The following CREB1 variants were observed in gnomAD, a reference collection of about 807,000 sequenced individuals.
The protein encoded by CREB1 is cAMP responsive element binding protein 1.
In CREB1, 2 loss-of-function variants were observed where a neutral mutation model predicts 42.0. That is an observed-to-expected ratio of 0.05 (90% CI 0.02 to 0.15). The LOEUF (loss-of-function observed/expected upper bound fraction) is 0.15. CREB1 is among the 10% of genes least tolerant of loss of function. The pLI, the probability that CREB1 is intolerant of heterozygous loss-of-function variation, is 1.00. For missense variants in CREB1, 199 were observed against 388.9 expected (o/e 0.51, Z 4.11); for synonymous variants, 123 against 139.9 (o/e 0.88, Z 0.85).
intron 7 of CREB1, chr2:207,581,723 A>T: frequency 1.7e-6 from 1 of 604,696 alleles, no homozygotes; most frequent in East Asian, 2.8e-5. Flanking sequence ...ACATTTATCA[A>T]AAATAAAAGT....
intron 6 of CREB1, chr2:207,576,692 T>C: frequency 2.3e-6 from 3 of 1,280,536 alleles, no homozygotes; most frequent in African/African-American, 1.5e-5. Context: ...AGTTTGAAGA[T>C]GGTAACATGT....
chr2:207,578,758 A>G (rs545157709), intron 7 of CREB1, among the ~76,000 whole-genome samples: 11 of 152,010 alleles, frequency 7.2e-5, no homozygotes, highest in Admixed American at 3.9e-4. Flanking sequence ...TTTTTCTGGG[A>G]TATTAGAAAA....
chr2:207,586,344 T>A (rs1361034853), intron 7 of CREB1, among the ~76,000 whole-genome samples: 1 of 152,156 alleles, frequency 6.6e-6, no homozygotes, highest in Non-Finnish European at 1.5e-5. Flanking sequence ...CAATCAATGG[T>A]ATTGGGAAAC....
rs2087609326 is a variant in CREB1 at position 207,604,038 on chromosome 2, T to C, written c.*6980T>C. ...TTTCTGCAACAACGATTACAGAATT[T>C]ATTGCACAAAATGAGACATTTTGAG... On this transcript the variant is annotated 3_prime_UTR_variant, in exon 8 of 8. Coordinates refer to ENST00000353267, the MANE Select transcript of CREB1 (RefSeq NM_004379.5). Among the ~76,000 whole-genome samples, 1 of 152,192 alleles carries C rather than the reference T, an allele frequency of 6.6e-6. No homozygotes were observed. Among genetic ancestry groups the C allele is most frequent in the Non-Finnish European group, 1.5e-5 (1 of 68,040 alleles).
chr2:207,573,164 A>T (rs1166966620), intron 5 of CREB1, among the ~76,000 whole-genome samples: 1 of 152,160 alleles, frequency 6.6e-6, no homozygotes, highest in East Asian at 1.9e-4. Context: ...TTCTTCTACA[A>T]TTGTTTTATA....
chr2:207,602,787 T>C lies in CREB1; in HGVS notation c.*5729T>C. On this transcript the variant is annotated 3_prime_UTR_variant, in exon 8 of 8. Transcript: ENST00000353267. ...TGGGAAATAATTGTCAACATTTTTT[T>C]TGAGTATAGATTTATTAGGGGTGGC... The C allele has an allele frequency of 4.6e-6, 1 of 215,976 alleles. No homozygotes were observed. The highest frequency in any genetic ancestry group is 6.9e-5 in the East Asian group (1 of 14,548). The allele number at this position is 215,976 out of a possible 1,614,324, so 13.4% of individuals were successfully genotyped here. A position where few individuals can be genotyped will look rare whatever the true frequency, so the allele number is the denominator to read the frequency against.
intron 6 of CREB1, among the ~76,000 whole-genome samples, chr2:207,576,241 C>CTTTTTTTTTTTTTTTTTTGG (rs35735523): frequency 5.9e-5 from 6 of 101,064 alleles, no homozygotes; most frequent in African/African-American, 1.1e-4. Flanking sequence ...CTTTTTTTGG[C>CTTTTTTTTTTTTTTTTTTGG]TTTTTTTTTT....
In CREB1 at chr2:207,533,781, A is replaced by T. The variant is rs575150152; in HGVS notation, c.-9+3647A>T. Among the ~76,000 whole-genome samples the T allele has an allele frequency of 2.2e-4, 33 of 152,288 alleles. 1 individual carries two copies. Among genetic ancestry groups the T allele is most frequent in the Non-Finnish European group, 4.0e-4 (27 of 68,030 alleles). On this transcript the variant is annotated intron_variant, in intron 1 of 7. Coordinates refer to ENST00000353267, the MANE Select transcript of CREB1 (RefSeq NM_004379.5). ...TGAGACAGCAGTTTATGGTAATTCAAATATTTATTTGGCACTCACTGTGAC... is the reference window on the plus strand; with the variant it reads ...TGAGACAGCAGTTTATGGTAATTCATATATTTATTTGGCACTCACTGTGAC...
intron 6 of CREB1, chr2:207,576,704 T>C (rs2082611915): frequency 2.4e-6 from 3 of 1,264,008 alleles, no homozygotes; most frequent in South Asian, 2.8e-5. Flanking sequence ...GTAACATGTT[T>C]AGTATATAAA....
chr2:207,532,969 G>T (rs189958408), intron 1 of CREB1, among the ~76,000 whole-genome samples: 58 of 151,990 alleles, frequency 3.8e-4, no homozygotes, highest in Non-Finnish European at 4.6e-4. Flanking sequence ...GCAATTCCAG[G>T]TGAAACTTCA....
In CREB1 at chr2:207,603,447, T is replaced by G. The variant is rs968293157; in HGVS notation, c.*6389T>G. ...TTAAAAACTCTGTAAGTCTCTTTTTTGGGGATGGGATCTCTATATTTTGTT... is the reference window on the plus strand; with the variant it reads ...TTAAAAACTCTGTAAGTCTCTTTTTGGGGGATGGGATCTCTATATTTTGTT... On this transcript the variant is annotated 3_prime_UTR_variant, in exon 8 of 8. Coordinates refer to ENST00000353267, the MANE Select transcript of CREB1 (RefSeq NM_004379.5). 8.9e-6 allele frequency: 2 copies of G among 225,194 alleles called. No individual in the cohort carries two copies. Among genetic ancestry groups the G allele is most frequent in the Non-Finnish European group, 1.8e-5 (2 of 113,150 alleles). 13.9% of individuals were successfully genotyped at this position (225,194 alleles called of 1,614,324 possible).
intron 5 of CREB1, chr2:207,571,846 AG>A (rs2082378700): frequency 7.1e-5 from 28 of 394,826 alleles, no homozygotes; most frequent in South Asian, 4.9e-4. Context: ...GAATCTAAAA[AG>A]GGGAAATGAA....
At chr2:207,577,315 C>A in intron 6 of CREB1, 190 bp from the exon 7 acceptor site, 1 of 1,002,182 alleles carries the variant, frequency 1.0e-6, no homozygotes, top group Non-Finnish European at 1.4e-6. Context: ...GTAATAAATA[C>A]ATTACATTGG....
intron 7 of CREB1, among the ~76,000 whole-genome samples, chr2:207,578,646 T>C (rs982309342): frequency 2.0e-5 from 3 of 152,212 alleles, no homozygotes; most frequent in African/African-American, 7.2e-5. Context: ...TTTGTGTGTG[T>C]GTGTGCAATT....
intron 3 of CREB1, among the ~76,000 whole-genome samples, chr2:207,566,936 T>C (rs991655733): frequency 6.6e-6 from 1 of 152,146 alleles, no homozygotes; most frequent in African/African-American, 2.4e-5. Flanking sequence ...TTAAAAGTGA[T>C]TATAGAATGC....
chr2:207,592,310 G>C (rs953446341), intron 7 of CREB1, among the ~76,000 whole-genome samples: 1 of 152,110 alleles, frequency 6.6e-6, no homozygotes, highest in African/African-American at 2.4e-5. Flanking sequence ...GGGAGGCTGA[G>C]GCAGGAAAAT....
chr2:207,590,631 A>G (rs1405404736), intron 7 of CREB1, among the ~76,000 whole-genome samples: 1 of 152,098 alleles, frequency 6.6e-6, no homozygotes, highest in Non-Finnish European at 1.5e-5. Flanking sequence ...TAGTTGGATC[A>G]GTTTGGCAAA....
At chr2:207,585,570 CAGATCTCAA>C (rs577093448) in intron 7 of CREB1, among the ~76,000 whole-genome samples, 66 of 152,126 alleles carry the variant, frequency 4.3e-4, no homozygotes, top group Non-Finnish European at 7.5e-4. Flanking sequence ...TTTCCACTAA[CAGATCTCAA>C]AGAACCAGGT....
intron 7 of CREB1, chr2:207,582,812 G>A (rs1190218902): frequency 9.4e-6 from 3 of 317,790 alleles, no homozygotes; most frequent in South Asian, 2.4e-5. Context: ...AGAATTGTGC[G>A]AACCTGGGAG....
Sources: gnomAD v4.1 joint callset for allele counts (sites outside exome capture counted in the v4.1 genomes callset) on GRCh38, gnomAD v4.1.1 for gene constraint, MANE v1.5 for transcripts, NCBI Gene and HGNC (gene_info 2026-07-23, HGNC 2026-07-21) for gene names.